PTPRZ1: variants seen among roughly 807,000 people sequenced by gnomAD.
The protein encoded by PTPRZ1 is receptor-type tyrosine-protein phosphatase zeta.
Under a neutral mutation model 214.1 loss-of-function variants are expected in PTPRZ1, and 82 were observed. The observed-to-expected ratio is 0.38, with a 90% CI of 0.32 to 0.46. The LOEUF is 0.46. Ranked by LOEUF, PTPRZ1 falls within the 20% of genes least tolerant of loss-of-function variation. PTPRZ1 has a pLI of 1.00. For missense variants in PTPRZ1, 2,603 were observed against 2,748.7 expected (o/e 0.95, Z 1.19); for synonymous variants, 945 against 987.9 (o/e 0.96, Z 0.81).
chr7:121,980,177 G>GTCAATTCATT (rs770505538), intron 6 of PTPRZ1, among the ~76,000 whole-genome samples: 1 of 152,056 alleles, frequency 6.6e-6, no homozygotes, highest in Non-Finnish European at 1.5e-5. Flanking sequence ...CTCTCCTGGG[G>GTCAATTCATT]TCAATTCATT....
rs540750960 is a variant in PTPRZ1 at position 121,956,591 on chromosome 7, T to C, written c.125-11360T>C. On this transcript the variant is annotated intron_variant, in intron 2 of 29. Coordinates refer to ENST00000393386, the MANE Select transcript of PTPRZ1 (RefSeq NM_002851.3). Reference sequence around the variant, plus strand: ...ATCTAGAAACATAACCACTGCTCTTTTGAGGCACGCCATCTCAGTGGCACC... The same window carrying C: ...ATCTAGAAACATAACCACTGCTCTTCTGAGGCACGCCATCTCAGTGGCACC... Among the ~76,000 whole-genome samples, 6 of 152,374 alleles carry C rather than the reference T, an allele frequency of 3.9e-5. No homozygotes were observed. The South Asian group carries it at 6.2e-4, about 16-fold the overall frequency.
intron 2 of PTPRZ1, among the ~76,000 whole-genome samples, chr7:121,963,471 TA>T (rs754744330): frequency 3.3e-5 from 5 of 152,064 alleles, no homozygotes; most frequent in African/African-American, 4.8e-5. Flanking sequence ...TTGGGAGTTT[TA>T]AAAGATGATT....
intron 2 of PTPRZ1, among the ~76,000 whole-genome samples, chr7:121,941,407 G>A (rs1167414264): frequency 6.6e-6 from 1 of 152,176 alleles, no homozygotes; most frequent in Non-Finnish European, 1.5e-5. Context: ...TAGGCTTTGA[G>A]TTCTTGTGTA....
At chr7:121,963,103 C>A (rs1311426287) in intron 2 of PTPRZ1, among the ~76,000 whole-genome samples, 2 of 152,104 alleles carry the variant, frequency 1.3e-5, no homozygotes, top group Non-Finnish European at 2.9e-5. Flanking sequence ...GCATGTTGAG[C>A]CCACAAGGTA....
At chr7:121,992,803 A>T (rs183824283) in intron 8 of PTPRZ1, among the ~76,000 whole-genome samples, 15 of 152,326 alleles carry the variant, frequency 9.8e-5, no homozygotes, top group Admixed American at 3.9e-4. Context: ...TGCCAAAAAT[A>T]AGTTTTTAAA....
intron 3 of PTPRZ1, among the ~76,000 whole-genome samples, chr7:121,970,584 G>A (rs915872070): frequency 6.6e-6 from 1 of 152,110 alleles, no homozygotes; most frequent in African/African-American, 2.4e-5. Flanking sequence ...GTGTCTGTTG[G>A]CTGCATAAAT....
chr7:121,995,650 T>C (rs531595682), intron 8 of PTPRZ1, among the ~76,000 whole-genome samples: 1 of 152,322 alleles, frequency 6.6e-6, no homozygotes, highest in East Asian at 1.9e-4. Flanking sequence ...TTCCCTAAAA[T>C]TATTTTCTTA....
At chr7:121,890,550 A>G (rs1378681219) in intron 1 of PTPRZ1, among the ~76,000 whole-genome samples, 1 of 152,164 alleles carries the variant, frequency 6.6e-6, no homozygotes, top group East Asian at 1.9e-4. Flanking sequence ...AAGTCAGATT[A>G]TGTCACTCTC....
chr7:121,894,218 A>G (rs1794721008), intron 1 of PTPRZ1, among the ~76,000 whole-genome samples: 1 of 152,216 alleles, frequency 6.6e-6, no homozygotes. Flanking sequence ...CCCCTTTGCC[A>G]AAACCCTTCC....
chr7:122,055,520 A>G (rs1305902535), intron 27 of PTPRZ1, among the ~76,000 whole-genome samples: 1 of 151,902 alleles, frequency 6.6e-6, no homozygotes, highest in Non-Finnish European at 1.5e-5. Context: ...TTCTCTACCA[A>G]TGTAGAAAGT....
intron 1 of PTPRZ1, among the ~76,000 whole-genome samples, chr7:121,889,909 G>A (rs888521100): frequency 6.6e-6 from 1 of 152,088 alleles, no homozygotes; most frequent in Admixed American, 6.6e-5. Context: ...CTGACTTCCG[G>A]GATGCCATAC....
rs954059031 is a variant in PTPRZ1, at chr7:122,012,730, T to C, written c.3684T>C (p.Asn1228=). The C allele has an allele frequency of 6.2e-7, 1 of 1,610,130 alleles. No homozygotes were observed. Among genetic ancestry groups the C allele is most frequent in the African/African-American group, 1.3e-5 (1 of 74,958 alleles). ...SSTMLHLIVS[N]SASSENMLHS... ...CAATGTTGCATCTCATTGTATCAAA[T>C]TCTGCTTCAAGTGAAAACATGCTGC... The change falls in exon 12 of 30, where the codon AAT becomes AAC. Residue 1228 remains asparagine, a synonymous_variant. Transcript: ENST00000393386.
At chr7:121,953,309 A>G (rs1796613127) in intron 2 of PTPRZ1, among the ~76,000 whole-genome samples, 1 of 152,238 alleles carries the variant, frequency 6.6e-6, no homozygotes, top group Non-Finnish European at 1.5e-5. Context: ...AATTTTCCTC[A>G]AATGATATCT....
chr7:122,045,952 TTGTC>T (rs1799885571), intron 23 of PTPRZ1, among the ~76,000 whole-genome samples: 1 of 152,154 alleles, frequency 6.6e-6, no homozygotes, highest in Non-Finnish European at 1.5e-5. Flanking sequence ...CTATTCGAGT[TTGTC>T]TGTAGAAAAT....
intron 1 of PTPRZ1, among the ~76,000 whole-genome samples, chr7:121,896,312 T>C (rs1442002474): frequency 6.6e-6 from 1 of 152,172 alleles, no homozygotes; most frequent in Non-Finnish European, 1.5e-5. Flanking sequence ...AAACTCTATA[T>C]CCATTGAACA....
chr7:122,012,130 A>G lies in PTPRZ1; in HGVS notation c.3084A>G (p.Thr1028=), dbSNP rs757112952. 4.3e-6 allele frequency: 7 copies of G among 1,613,768 alleles called. No individual in the cohort carries two copies. The highest frequency in any genetic ancestry group is 2.2e-5 in the East Asian group (1 of 44,892). Residue 1028 remains threonine (T), a synonymous_variant, in exon 12 of 30, where the codon ACA becomes ACG. Coordinates refer to ENST00000393386, the MANE Select transcript of PTPRZ1 (RefSeq NM_002851.3). The part of the protein sequence containing the change: ...ISSPVSVAEF[T]YTTSVFGDDN... Reference sequence around the variant, plus strand: ...CACCTGTTTCTGTAGCTGAATTTACATATACAACATCTGTGTTTGGTGATG... The same window carrying G: ...CACCTGTTTCTGTAGCTGAATTTACGTATACAACATCTGTGTTTGGTGATG...
chr7:122,056,119 A>G (rs59733273), intron 27 of PTPRZ1, among the ~76,000 whole-genome samples: 2 of 151,842 alleles, frequency 1.3e-5, no homozygotes, highest in South Asian at 2.1e-4. Flanking sequence ...TTACTCCCTG[A>G]TCACTTTAGT....
rs751136663 is a variant in PTPRZ1 at position 122,019,165 on chromosome 7, G to C, written c.4885G>C (p.Glu1629Gln). The C allele has an allele frequency of 2.5e-6, 4 of 1,612,130 alleles. No homozygotes were observed. Residue 1629 changes from glutamate to glutamine, a missense_variant, in exon 13 of 30, where the codon GAG becomes CAG. Glu to Gln is a conservative substitution (Grantham distance 29). Coordinates refer to ENST00000393386, the MANE Select transcript of PTPRZ1 (RefSeq NM_002851.3). Reference sequence around the variant, plus strand: ...CCATGAGTCTCGTATTGGTCTAGCTGAGGGGTTGGAATCCGAGAAGAAGGC... The same window carrying C: ...CCATGAGTCTCGTATTGGTCTAGCTCAGGGGTTGGAATCCGAGAAGAAGGC... The part of the protein sequence containing the change: ...SSHESRIGLA[E>Q]GLESEKKAVI...
chr7:122,012,098 A>G lies in PTPRZ1; in HGVS notation c.3052A>G (p.Ile1018Val), dbSNP rs368363074. 31 of 1,613,890 alleles carry G rather than the reference A, an allele frequency of 1.9e-5. No individual in the cohort carries two copies. Among genetic ancestry groups the G allele is most frequent in the Non-Finnish European group, 2.1e-5 (25 of 1,179,906 alleles). Reference protein sequence around the residue: ...PDTDGLTALNISSPVSVAEFT... With the variant: ...PDTDGLTALNVSSPVSVAEFT... The stretch of plus-strand genomic sequence containing the variant: ...CACAGATGGGCTGACAGCCCTTAAC[A>G]TTTCTTCACCTGTTTCTGTAGCTGA... The change falls in exon 12 of 30, where the codon ATT becomes GTT. Residue 1018 changes from isoleucine (I) to valine (V), a missense_variant. Physicochemically the swap from Ile to Val is conservative, Grantham distance 29. Coordinates refer to ENST00000393386, the MANE Select transcript of PTPRZ1 (RefSeq NM_002851.3).
Sources: gnomAD v4.1 joint callset for allele counts (sites outside exome capture counted in the v4.1 genomes callset) on GRCh38, gnomAD v4.1.1 for gene constraint, MANE v1.5 for transcripts, NCBI Gene and HGNC (gene_info 2026-07-23, HGNC 2026-07-21) for gene names.